The following CCNY variants were observed in gnomAD, a reference collection of about 807,000 sequenced individuals.
CCNY encodes cyclin-Y.
Under a neutral mutation model 42.8 loss-of-function variants are expected in CCNY, and 19 were observed. That is an observed-to-expected ratio of 0.44 (90% CI 0.31 to 0.65). The LOEUF (loss-of-function observed/expected upper bound fraction) is 0.65. Ranked by LOEUF, CCNY falls within the 30% of genes least tolerant of loss-of-function variation. CCNY has a pLI of 0.07. For missense variants in CCNY, 370 were observed against 437.3 expected (o/e 0.85, Z 1.37); for synonymous variants, 165 against 162.7 (o/e 1.01, Z -0.11).
chr10:35,363,892 T>C (rs1318859989), intron 1 of CCNY, among the ~76,000 whole-genome samples: 2 of 152,152 alleles, frequency 1.3e-5, no homozygotes, highest in Non-Finnish European at 2.9e-5. Flanking sequence ...AACATGCTTT[T>C]AGTGTATGGA....
At chr10:35,553,786 A>C in intron 8 of CCNY, among the ~76,000 whole-genome samples, 1 of 150,622 alleles carries the variant, frequency 6.6e-6, no homozygotes, top group South Asian at 2.1e-4. Flanking sequence ...CACTCCCCTC[A>C]CTCTCTGGGC....
intron 3 of CCNY, among the ~76,000 whole-genome samples, chr10:35,508,221 C>G (rs1840254348): frequency 6.6e-6 from 1 of 152,136 alleles, no homozygotes; most frequent in Non-Finnish European, 1.5e-5. Flanking sequence ...TAAGAGAGAG[C>G]CTTCTCTTCC....
At chr10:35,565,984 GGCAGC>G (rs1841561708) in intron 8 of CCNY, 34 bp from the exon 9 acceptor site, 7 of 1,583,774 alleles carry the variant, frequency 4.4e-6, no homozygotes, top group Non-Finnish European at 6.0e-6. Context: ...GGCCTGGTGT[GGCAGC>G]TAAGCATAGG....
intron 8 of CCNY, among the ~76,000 whole-genome samples, chr10:35,559,215 G>A (rs1262230670): frequency 6.6e-6 from 1 of 152,232 alleles, no homozygotes; most frequent in East Asian, 1.9e-4. Context: ...TGAGGAGCAT[G>A]TTCCTGGGAG....
At chr10:35,306,955 T>C (rs1245311614) in intron 3 of CCNY, among the ~76,000 whole-genome samples, 2 of 134,370 alleles carry the variant, frequency 1.5e-5, no homozygotes, top group Non-Finnish European at 3.2e-5. Context: ...TAAGGGTTTC[T>C]ATCAGTCAGG....
At chr10:35,477,408 A>G (rs1420656560) in intron 1 of CCNY, among the ~76,000 whole-genome samples, 3 of 150,586 alleles carry the variant, frequency 2.0e-5, no homozygotes, top group African/African-American at 4.9e-5. Context: ...GGCAAACTGA[A>G]TCCAGCAGCA....
chr10:35,347,319 C>T (rs1423771686), intron 1 of CCNY: 1 of 300,342 alleles, frequency 3.3e-6, no homozygotes, highest in Non-Finnish European at 4.9e-6. Context: ...TTAGCAACTA[C>T]AATCACATCC....
chr10:35,298,928 T>A (rs1361073949), intron 3 of CCNY, among the ~76,000 whole-genome samples: 1 of 152,184 alleles, frequency 6.6e-6, no homozygotes, highest in Non-Finnish European at 1.5e-5. Context: ...ATGATTAAAA[T>A]CATTTATGTG....
intron 1 of CCNY, among the ~76,000 whole-genome samples, chr10:35,388,887 C>T (rs11010187): frequency 1.3e-5 from 2 of 152,288 alleles, no homozygotes; most frequent in South Asian, 2.1e-4. Context: ...CTCATGGCCC[C>T]CTCCTGTTTC....
intron 2 of CCNY, among the ~76,000 whole-genome samples, chr10:35,486,980 G>A (rs1589153465): frequency 1.3e-5 from 2 of 152,290 alleles, no homozygotes; most frequent in African/African-American, 2.4e-5. Flanking sequence ...GAACCATACT[G>A]TGGAATTTAA....
chr10:35,429,580 C>T lies in CCNY; in HGVS notation c.155-53824C>T, dbSNP rs377046359. Among the ~76,000 whole-genome samples, 29 of 152,242 alleles carry T rather than the reference C, an allele frequency of 1.9e-4. No individual in the cohort carries two copies. In the East Asian group the frequency reaches 1.9e-3, roughly 10 times the overall value. ...TATTTAAACTCTTAACCTCAGTTTACGTATCTGTAAAACAGGGAGAAAATG... is the reference window on the plus strand; with the variant it reads ...TATTTAAACTCTTAACCTCAGTTTATGTATCTGTAAAACAGGGAGAAAATG... On this transcript the variant is annotated intron_variant, in intron 1 of 9. Transcript: ENST00000374704.
chr10:35,516,247 A>T (rs773319673), intron 3 of CCNY, among the ~76,000 whole-genome samples: 7 of 152,204 alleles, frequency 4.6e-5, no homozygotes, highest in Non-Finnish European at 8.8e-5. Context: ...GGACTCTGAA[A>T]CATGCTTTTT....
intron 1 of CCNY, among the ~76,000 whole-genome samples, chr10:35,356,906 TC>T (rs1336997323): frequency 1.1e-4 from 16 of 152,224 alleles, no homozygotes; most frequent in African/African-American, 3.9e-4. Flanking sequence ...TACATACTCC[TC>T]CCCGTGGCTC....
upstream of CCNY, among the ~76,000 whole-genome samples, chr10:35,334,589 C>T (rs184612024): frequency 7.9e-5 from 12 of 152,342 alleles, no homozygotes; most frequent in Admixed American, 2.6e-4. Context: ...CTCTCCAGGG[C>T]TTTAATTCTT....
At chr10:35,468,778 T>G (rs1191782835) in intron 1 of CCNY, among the ~76,000 whole-genome samples, 4 of 151,978 alleles carry the variant, frequency 2.6e-5, no homozygotes, top group Non-Finnish European at 5.9e-5. Context: ...TTTCCAGGAG[T>G]TTTCTGGGCT....
chr10:35,262,486 G>A (rs780713381), intron 3 of CCNY, among the ~76,000 whole-genome samples: 1 of 151,690 alleles, frequency 6.6e-6, no homozygotes, highest in South Asian at 2.1e-4. Context: ...TGCCTCCCGA[G>A]TAGCTGGGAC....
intron 9 of CCNY, among the ~76,000 whole-genome samples, chr10:35,567,078 A>G (rs567276627): frequency 6.6e-6 from 1 of 152,328 alleles, no homozygotes; most frequent in African/African-American, 2.4e-5. Context: ...ATGTCCCCCC[A>G]AAAAGCATTT....
At chr10:35,361,217 T>A (rs1301748225) in intron 1 of CCNY, among the ~76,000 whole-genome samples, 1 of 152,272 alleles carries the variant, frequency 6.6e-6, no homozygotes, top group Non-Finnish European at 1.5e-5. Flanking sequence ...AGATATGTTA[T>A]CTGTGTTTAC....
intron 1 of CCNY, among the ~76,000 whole-genome samples, chr10:35,420,146 A>T (rs1168379963): frequency 6.6e-6 from 1 of 152,176 alleles, no homozygotes; most frequent in African/African-American, 2.4e-5. Flanking sequence ...CATGTATATA[A>T]GTTCAAGAAG....
Sources: allele counts gnomAD v4.1 joint callset (sites outside exome capture counted in the v4.1 genomes callset), GRCh38; gene constraint gnomAD v4.1.1; transcripts MANE v1.5; gene names NCBI Gene and HGNC (gene_info 2026-07-23, HGNC 2026-07-21).